The following FHAD1 variants were observed in gnomAD, a reference collection of about 807,000 sequenced individuals.
FHAD1 encodes the protein forkhead associated phosphopeptide binding domain 1, also known as forkhead-associated domain-containing protein 1.
In FHAD1, 146 loss-of-function variants were observed where a neutral mutation model predicts 191.3. The ratio of observed to expected loss-of-function variants is 0.76; its 90% CI spans 0.67 to 0.88. FHAD1 has a LOEUF of 0.88. Among genes scored for constraint, FHAD1 ranks in the 40% least tolerant of loss-of-function variants. FHAD1 has a pLI of 0.00. For synonymous variants in FHAD1, 616 were observed against 672.3 expected, an observed-to-expected ratio of 0.92 and a Z score of 1.29; for missense variants, 1,635 against 1,785.8, an observed-to-expected ratio of 0.92 and a Z score of 1.52.
upstream of FHAD1, among the ~76,000 whole-genome samples, chr1:15,245,031 G>A (rs527749479): frequency 4.6e-5 from 7 of 152,296 alleles, no homozygotes; most frequent in South Asian, 8.3e-4. Context: ...GAGAGGAAGT[G>A]AGAGTGAGCG....
At chr1:15,391,855 G>A (rs878926377) in intron 33 of FHAD1, among the ~76,000 whole-genome samples, 1 of 152,214 alleles carries the variant, frequency 6.6e-6, no homozygotes, top group Admixed American at 6.5e-5. Flanking sequence ...AGTGTCCCCA[G>A]GGTCCCCCTA....
rs992670993 is a variant in FHAD1 at position 15,251,867 on chromosome 1, T to C, written c.83T>C (p.Leu28Pro). The C allele has an allele frequency of 5.8e-6, 9 of 1,552,282 alleles. No homozygotes were observed. Among genetic ancestry groups the C allele is most frequent in the Non-Finnish European group, 7.8e-6 (9 of 1,147,112 alleles). Residue 28 changes from leucine to proline, a missense_variant, in exon 2 of 34, where the codon CTT becomes CCT. Transcript: ENST00000688493. ...TTIGRHENSD[L>P]VLQSPDIDNH... ...ATTGGAAGGCATGAAAATTCAGACC[T>C]TGTTTTACAGGTAAGAAGTCTTCCC...
At position 15,329,105 on chromosome 1, in the gene FHAD1, G is replaced by A. The variant is rs1319691768; in HGVS notation, c.1711-241G>A. The A allele has an allele frequency of 8.4e-6, 3 of 357,800 alleles. No homozygotes were observed. The highest frequency in any genetic ancestry group is 1.5e-5 in the Non-Finnish European group (3 of 198,350). The allele number at this position is 357,800 out of a possible 1,614,324, so 22.2% of individuals were successfully genotyped here. ...ACTGTTGATGGTACTTTGGCTCTGG[G>A]GTTTCATAGACCTAAAAGGGGGTTC... On this transcript the variant is annotated intron_variant, in intron 13 of 33. Coordinates refer to ENST00000688493, the MANE Select transcript of FHAD1 (RefSeq NM_001391957.1). The surrounding 1 kb of genome is among the most constrained non-coding windows in gnomAD (Gnocchi z 5.0).
chr1:15,384,375 C>A (rs1180347593), intron 31 of FHAD1: 1 of 152,460 alleles, frequency 6.6e-6, no homozygotes, highest in African/African-American at 2.4e-5. Flanking sequence ...TGGGCAGCAG[C>A]AGAGTCCTGA....
chr1:15,280,112 A>G (rs564852220), intron 3 of FHAD1, among the ~76,000 whole-genome samples: 1 of 152,268 alleles, frequency 6.6e-6, no homozygotes, highest in African/African-American at 2.4e-5. Context: ...ATCCCAGGGA[A>G]GGTGGCAGTT....
chr1:15,389,458 A>AAAAAAAAAAAAAAC (rs1703290237), intron 32 of FHAD1, among the ~76,000 whole-genome samples: 1 of 149,042 alleles, frequency 6.7e-6, no homozygotes, highest in African/African-American at 2.6e-5. Context: ...AAAAAAAAAA[A>AAAAAAAAAAAAAAC]AAAAAAAAAA....
At chr1:15,359,977 T>C (rs540520524) in intron 21 of FHAD1, among the ~76,000 whole-genome samples, 1 of 149,194 alleles carries the variant, frequency 6.7e-6, no homozygotes, top group Non-Finnish European at 1.5e-5. Context: ...GCTGAGTGTG[T>C]TGGCGCACAC....
rs1677872107 is a variant in FHAD1 at position 15,325,028 on chromosome 1, C to T, written c.1473+469C>T. On this transcript the variant is annotated intron_variant, in intron 11 of 33. Transcript: ENST00000688493. This position sits in a 1 kb window ranked among gnomAD's most constrained non-coding sequence, Gnocchi z 4.6. The stretch of plus-strand genomic sequence containing the variant: ...AAGTGCGTGCTGGATGGAGAAGCTC[C>T]CGGCTGTGGGTGAGCCACTCCGACC... 6.1e-6 allele frequency: 1 copy of T among 163,198 alleles called. No homozygotes were observed. The highest frequency in any genetic ancestry group is 1.4e-5 in the Non-Finnish European group (1 of 74,038). 10.1% of individuals were successfully genotyped at this position (163,198 alleles called of 1,614,324 possible).
At chr1:15,340,840 A>G (rs1471661923) in intron 15 of FHAD1, among the ~76,000 whole-genome samples, 1 of 152,190 alleles carries the variant, frequency 6.6e-6, no homozygotes, top group Admixed American at 6.5e-5. Context: ...AAGTAGCCAT[A>G]GACAATATGT....
chr1:15,290,965 C>T (rs1012237285), intron 4 of FHAD1, among the ~76,000 whole-genome samples: 20 of 152,180 alleles, frequency 1.3e-4, no homozygotes, highest in African/African-American at 4.1e-4. Flanking sequence ...CCGCCCACCT[C>T]GGCCTCCCAA....
rs760495173 is a variant in FHAD1, at chr1:15,381,644, C to T, written c.4022+193C>T. Among the ~76,000 whole-genome samples the T allele has an allele frequency of 2.0e-5, 3 of 152,094 alleles. No homozygotes were observed. The highest frequency in any genetic ancestry group is 4.4e-5 in the Non-Finnish European group (3 of 68,016). On this transcript the variant is annotated intron_variant, in intron 30 of 33. Coordinates refer to ENST00000688493, the MANE Select transcript of FHAD1 (RefSeq NM_001391957.1). This position sits in a 1 kb window ranked among gnomAD's most constrained non-coding sequence, Gnocchi z 4.6. ...AGAGGGAATTCTGTCCCCGAGATCA[C>T]GGCTGCAGAAGTGCACGGTTTCCCC...
intron 3 of FHAD1, among the ~76,000 whole-genome samples, chr1:15,281,479 G>A (rs1263884839): frequency 2.6e-5 from 4 of 151,964 alleles, no homozygotes; most frequent in African/African-American, 9.7e-5. Flanking sequence ...AAATAACCTG[G>A]CCAGGCATGG....
At chr1:15,305,880 A>G (rs1574168752) in intron 6 of FHAD1, 3 of 341,764 alleles carry the variant, frequency 8.8e-6, no homozygotes, top group South Asian at 7.0e-5. Flanking sequence ...CAGCAGTGTG[A>G]AAACAGACTA....
In FHAD1 at chr1:15,382,201, G is replaced by A. The variant is rs769483257; in HGVS notation, c.4188+8G>A. ...GCCATCCGGCAGCAGAAGGTGAGGC[G>A]CTGCTGCCCAGGGCAGAACCTCCCA... On this transcript the variant is annotated splice_region_variant and intron_variant, in intron 31 of 33. Coordinates refer to ENST00000688493, the MANE Select transcript of FHAD1 (RefSeq NM_001391957.1). The A allele has an allele frequency of 3.2e-6, 5 of 1,549,910 alleles. No individual in the cohort carries two copies. Among genetic ancestry groups the A allele is most frequent in the African/African-American group, 1.4e-5 (1 of 72,938 alleles).
chr1:15,281,618 A>T (rs368002005), intron 3 of FHAD1, among the ~76,000 whole-genome samples: 4 of 151,938 alleles, frequency 2.6e-5, no homozygotes, highest in African/African-American at 9.7e-5. Flanking sequence ...AAAATTAGCC[A>T]GGTGTGGTGG....
chr1:15,301,615 G>A (rs1668804900), intron 6 of FHAD1, among the ~76,000 whole-genome samples, 174 bp downstream of exon 6: 1 of 152,250 alleles, frequency 6.6e-6, no homozygotes, highest in South Asian at 2.1e-4. Context: ...AGCATGGTAA[G>A]AACAAGATCA....
In FHAD1 at chr1:15,349,977, TCAGGGACCCA is replaced by T. The variant is rs942253228; in HGVS notation, c.2454+831_2454+840del. 7.9e-5 allele frequency among the ~76,000 whole-genome samples: 12 copies of T among 152,212 alleles called. No individual in the cohort carries two copies. The South Asian group carries it at 1.9e-3, about 24-fold the overall frequency. On this transcript the variant is annotated intron_variant, in intron 19 of 33. Coordinates refer to ENST00000688493, the MANE Select transcript of FHAD1 (RefSeq NM_001391957.1). Reference sequence around the variant, plus strand: ...AGCTGGGGGGCCAGGAGGAGGTCACTCAGGGACCCACATGGCATCTCCATGAGCTGGGCTT... The same window carrying T: ...AGCTGGGGGGCCAGGAGGAGGTCACTCATGGCATCTCCATGAGCTGGGCTT...
At chr1:15,393,077 T>TTC (rs1704648872) in intron 33 of FHAD1, 1 of 149,914 alleles carries the variant, frequency 6.7e-6, no homozygotes, top group African/African-American at 2.5e-5. Context: ...CATTCCTTTT[T>TTC]TTTTTTTTTT....
intron 8 of FHAD1, among the ~76,000 whole-genome samples, chr1:15,314,278 G>A (rs1458785744): frequency 6.6e-6 from 1 of 152,110 alleles, no homozygotes; most frequent in African/African-American, 2.4e-5. Context: ...GGGTGGATCT[G>A]GGGGTCCAAG....
Sources: allele counts gnomAD v4.1 joint callset (sites outside exome capture counted in the v4.1 genomes callset), GRCh38; gene constraint gnomAD v4.1.1; non-coding constraint Gnocchi (gnomAD v3.1); transcripts MANE v1.5; gene names NCBI Gene and HGNC (gene_info 2026-07-23, HGNC 2026-07-21).